The following GABRA5 variants were observed in gnomAD, a reference collection of about 807,000 sequenced individuals.
GABRA5 encodes the protein gamma-aminobutyric acid type A receptor subunit alpha5, also known as gamma-aminobutyric acid receptor subunit alpha-5.
Under a neutral mutation model 47.3 loss-of-function variants are expected in GABRA5, and 18 were observed. The observed-to-expected ratio is 0.38, with a 90% confidence interval of 0.26 to 0.56. GABRA5 has a LOEUF of 0.56. Among genes scored for constraint, GABRA5 ranks in the 20% least tolerant of loss-of-function variants. The pLI, the probability that GABRA5 is intolerant of heterozygous loss-of-function variation, is 0.71. For synonymous variants in GABRA5, 237 were observed against 229.3 expected (o/e 1.03, Z -0.30); for missense variants, 365 against 599.3 (o/e 0.61, Z 4.08).
At chr15:26,903,034 G>C (rs2140281430) in intron 6 of GABRA5, among the ~76,000 whole-genome samples, 1 of 152,120 alleles carries the variant, frequency 6.6e-6, no homozygotes, top group South Asian at 2.1e-4. Context: ...ACAGTGGTTT[G>C]TTTATAGATT....
At chr15:26,943,893 G>A (rs558505532) in intron 10 of GABRA5, among the ~76,000 whole-genome samples, 84 of 152,222 alleles carry the variant, frequency 5.5e-4, no homozygotes, top group African/African-American at 1.9e-3. Context: ...TGTTGTGAAA[G>A]CATTACTCTG....
chr15:26,890,426 A>AT (rs201726196), intron 6 of GABRA5, among the ~76,000 whole-genome samples: 2,461 of 128,538 alleles, frequency 0.019, 27 homozygotes, highest in Middle Eastern at 0.03. Flanking sequence ...AGTCACTTCA[A>AT]TTTTTTTTTT....
At chr15:26,939,820 T>C (rs1894342679) in intron 8 of GABRA5, 105 bp from the exon 9 acceptor site, 1 of 1,114,912 alleles carries the variant, frequency 9.0e-7, no homozygotes, top group African/African-American at 1.5e-5. Context: ...AATGAATGCT[T>C]GTCCAAACCG....
intron 10 of GABRA5, among the ~76,000 whole-genome samples, chr15:26,945,273 G>A (rs917645935): frequency 5.3e-5 from 8 of 152,192 alleles, no homozygotes; most frequent in African/African-American, 1.9e-4. Flanking sequence ...ACACTGGCGC[G>A]AGCGTGAATA....
intron 7 of GABRA5, among the ~76,000 whole-genome samples, chr15:26,922,903 G>A (rs1440138339): frequency 6.6e-6 from 1 of 152,154 alleles, no homozygotes; most frequent in Non-Finnish European, 1.5e-5. Flanking sequence ...TGGGATTATA[G>A]GCATGAGCCA....
chr15:26,911,388 C>CACACACACACACACACACAA lies in GABRA5; in HGVS notation c.498-3406_498-3405insCACACACACAAACACACACA, dbSNP rs879417314. On this transcript the variant is annotated intron_variant, in intron 6 of 10. Coordinates refer to ENST00000335625, the MANE Select transcript of GABRA5 (RefSeq NM_000810.4). The stretch of plus-strand genomic sequence containing the variant: ...TGCTGCATGCACACACACACACACA[C>CACACACACACACACACACAA]ACACACACAAACACACACACTCCTG... Among the ~76,000 whole-genome samples, 104 of 146,762 alleles carry CACACACACACACACACACAA rather than the reference C, an allele frequency of 7.1e-4. 1 individual carries two copies. The East Asian group carries it at 0.02, about 28-fold the overall frequency.
intron 3 of GABRA5, among the ~76,000 whole-genome samples, chr15:26,875,592 C>T (rs1477903475): frequency 6.6e-6 from 1 of 152,126 alleles, no homozygotes; most frequent in Non-Finnish European, 1.5e-5. Flanking sequence ...GGCAGAGAAA[C>T]CTGAACTGGC....
At chr15:26,872,649 A>G (rs1397550333) in intron 3 of GABRA5, among the ~76,000 whole-genome samples, 1 of 152,182 alleles carries the variant, frequency 6.6e-6, no homozygotes, top group Non-Finnish European at 1.5e-5. Context: ...AGAAGCATCA[A>G]AGGGTTTAAT....
At chr15:26,947,884 G>C in intron 10 of GABRA5, 50 bp from the exon 11 acceptor site, 1 of 1,491,628 alleles carries the variant, frequency 6.7e-7, no homozygotes, top group Non-Finnish European at 9.1e-7. Flanking sequence ...AAGGTGAGCT[G>C]ACCATTGCCT....
chr15:26,937,363 A>G (rs1422711331), intron 8 of GABRA5, 35 bp downstream of exon 8: 3 of 1,566,450 alleles, frequency 1.9e-6, no homozygotes, highest in Non-Finnish European at 2.6e-6. Flanking sequence ...TGCCAGGCGC[A>G]CTCAGGACAC....
chr15:26,899,745 T>C (rs1022139737), intron 6 of GABRA5, among the ~76,000 whole-genome samples: 4 of 152,190 alleles, frequency 2.6e-5, no homozygotes, highest in Non-Finnish European at 5.9e-5. Context: ...ATGGAATGCC[T>C]TTTTCATCCT....
rs76628362 is a variant in GABRA5, at chr15:26,946,102, TG to T, written c.1090-1830del. Among the ~76,000 whole-genome samples the T allele has an allele frequency of 1.3e-3, 202 of 152,314 alleles. 5 individuals carry two copies. The East Asian group carries it at 0.039, about 29-fold the overall frequency. On this transcript the variant is annotated intron_variant, in intron 10 of 10. Transcript: ENST00000335625. ...GGTCCTCATGCCCCTGCCCCTGGCC[TG>T]GTTTTGGTTCACCTGTTTCACCTGT...
At chr15:26,907,052 C>A (rs1893461031) in intron 6 of GABRA5, among the ~76,000 whole-genome samples, 1 of 152,146 alleles carries the variant, frequency 6.6e-6, no homozygotes. Context: ...AGTTTTAGCC[C>A]AGTATAATTC....
intron 9 of GABRA5, among the ~76,000 whole-genome samples, chr15:26,942,217 A>C (rs1364698100): frequency 6.6e-6 from 1 of 152,188 alleles, no homozygotes; most frequent in Non-Finnish European, 1.5e-5. Context: ...ACCCATCCAG[A>C]GTGCAGCTTA....
chr15:26,886,107 C>T (rs1356913149), intron 6 of GABRA5, among the ~76,000 whole-genome samples: 1 of 152,132 alleles, frequency 6.6e-6, no homozygotes, highest in Non-Finnish European at 1.5e-5. Context: ...GCAACCTCCA[C>T]CTCCCGGGTT....
intron 6 of GABRA5, among the ~76,000 whole-genome samples, chr15:26,901,339 G>A (rs1399400911): frequency 1.3e-5 from 2 of 152,084 alleles, no homozygotes; most frequent in Non-Finnish European, 2.9e-5. Context: ...GCAGTGTTCT[G>A]GATTTCGGCC....
At chr15:26,912,395 C>A (rs1461416546) in intron 6 of GABRA5, among the ~76,000 whole-genome samples, 1 of 152,186 alleles carries the variant, frequency 6.6e-6, no homozygotes, top group African/African-American at 2.4e-5. Flanking sequence ...TATAAAGTAA[C>A]CTGTTTTCCT....
At chr15:26,930,895 CTTT>C (rs555799476) in intron 7 of GABRA5, among the ~76,000 whole-genome samples, 2 of 115,006 alleles carry the variant, frequency 1.7e-5, no homozygotes, top group Admixed American at 9.0e-5. Context: ...TCTTTCTTTT[CTTT>C]TTTTTTTTTT....
At chr15:26,943,877 A>G (rs1238704317) in intron 10 of GABRA5, among the ~76,000 whole-genome samples, 1 of 152,200 alleles carries the variant, frequency 6.6e-6, no homozygotes, top group Non-Finnish European at 1.5e-5. Flanking sequence ...CACCAGGCAC[A>G]TAAATTGTTG....
Sources: gnomAD v4.1 joint callset for allele counts (sites outside exome capture counted in the v4.1 genomes callset) on GRCh38, gnomAD v4.1.1 for gene constraint, MANE v1.5 for transcripts, NCBI Gene and HGNC (gene_info 2026-07-23, HGNC 2026-07-21) for gene names.